The following HHLA2 variants were observed in gnomAD, a reference collection of about 807,000 sequenced individuals.
The protein encoded by HHLA2 is HERV-H LTR-associating protein 2.
HHLA2 carries 48 observed loss-of-function variants against 45.9 expected under a neutral mutation model. That is an observed-to-expected ratio of 1.05 (90% CI 0.83 to 1.33). The LOEUF (loss-of-function observed/expected upper bound fraction) is 1.33. Ranked by LOEUF, HHLA2 falls within the 40% of genes most tolerant of loss-of-function variation. The pLI, the probability that HHLA2 is intolerant of heterozygous loss-of-function variation, is 0.00. For synonymous variants in HHLA2, 161 were observed against 173.9 expected (o/e 0.93, Z 0.59); for missense variants, 462 against 494.3 (o/e 0.93, Z 0.62).
chr3:108,364,057 T>C (rs912744762), intron 8 of HHLA2, among the ~76,000 whole-genome samples: 1 of 152,070 alleles, frequency 6.6e-6, no homozygotes, highest in Non-Finnish European at 1.5e-5. Flanking sequence ...ACATGTGCCC[T>C]GGTGGTTTGC....
intron 3 of HHLA2, chr3:108,328,413 G>T: frequency 9.9e-7 from 1 of 1,015,224 alleles, no homozygotes; most frequent in South Asian, 1.6e-5. Flanking sequence ...GAAAATTACT[G>T]CATGACCAGG....
rs527898215 is a variant in HHLA2, at chr3:108,366,914, A to G, written c.1108+4468A>G. Among the ~76,000 whole-genome samples, 3 of 152,232 alleles carry G rather than the reference A, an allele frequency of 2.0e-5. No homozygotes were observed. In the East Asian group the frequency reaches 5.8e-4, roughly 29 times the overall value. On this transcript the variant is annotated intron_variant, in intron 8 of 10. Coordinates refer to ENST00000619531, the Ensembl canonical transcript of HHLA2. ...CTATCTATTTTGTTAATCTTTTCAA[A>G]ATAGCAGCTCCTGGGTTGACAGACA... is the stretch of plus-strand genomic sequence containing the variant.
chr3:108,298,559 A>T (rs1439235937), intron 1 of HHLA2, among the ~76,000 whole-genome samples: 1 of 152,144 alleles, frequency 6.6e-6, no homozygotes, highest in Non-Finnish European at 1.5e-5. Context: ...CATAGGCTTC[A>T]CCCTTAGAAG....
chr3:108,333,429 C>G (rs1335928886), intron 3 of HHLA2, among the ~76,000 whole-genome samples: 6 of 151,956 alleles, frequency 3.9e-5, no homozygotes, highest in Non-Finnish European at 8.8e-5. Flanking sequence ...TACAAGATTC[C>G]CAGTTAAATT....
At chr3:108,318,842 C>G (rs1390471491) in intron 2 of HHLA2, among the ~76,000 whole-genome samples, 1 of 152,228 alleles carries the variant, frequency 6.6e-6, no homozygotes, top group East Asian at 1.9e-4. Context: ...AGTGCATTCT[C>G]CAAGATTCCT....
intron 3 of HHLA2, among the ~76,000 whole-genome samples, chr3:108,333,655 G>A (rs1294653204): frequency 6.6e-6 from 1 of 151,318 alleles, no homozygotes; most frequent in East Asian, 1.9e-4. Flanking sequence ...ATGCCTCAGA[G>A]GATAGAGAGG....
intron 8 of HHLA2, among the ~76,000 whole-genome samples, chr3:108,369,246 C>A (rs1001921604): frequency 2.0e-5 from 3 of 152,166 alleles, no homozygotes; most frequent in African/African-American, 7.2e-5. Context: ...AAATTTGTAG[C>A]ACCAAATGCC....
At chr3:108,337,640 A>C (rs1471950856) in intron 3 of HHLA2, among the ~76,000 whole-genome samples, 1 of 152,176 alleles carries the variant, frequency 6.6e-6, no homozygotes, top group Non-Finnish European at 1.5e-5. Flanking sequence ...GTGGAAATAC[A>C]TAACGAAAGC....
In HHLA2 at chr3:108,331,052, G is replaced by A. The variant is rs573685424; in HGVS notation, c.-27+2705G>A. Among the ~76,000 whole-genome samples, 104 of 152,216 alleles carry A rather than the reference G, an allele frequency of 6.8e-4. 1 individual carries two copies. The South Asian group carries it at 0.015, about 22-fold the overall frequency. On this transcript the variant is annotated intron_variant, in intron 3 of 10. Transcript: ENST00000619531. Reference sequence around the variant, plus strand: ...GCTAGGCAAACAGTCTACAGCTGCCGCAGTTTATTAGGGTGTTTCAAACCT... The same window carrying A: ...GCTAGGCAAACAGTCTACAGCTGCCACAGTTTATTAGGGTGTTTCAAACCT...
At chr3:108,357,706 A>T in intron 6 of HHLA2, 138 bp from the exon 6 acceptor site, 1 of 715,394 alleles carries the variant, frequency 1.4e-6, no homozygotes, top group Non-Finnish European at 2.3e-6. Context: ...CCACAGTACA[A>T]ATATAATTAC....
intron 1 of HHLA2, among the ~76,000 whole-genome samples, chr3:108,298,258 C>T (rs766050397): frequency 6.6e-6 from 1 of 152,160 alleles, no homozygotes; most frequent in Non-Finnish European, 1.5e-5. Flanking sequence ...AGGACTCTGA[C>T]CTGACTCTCC....
At chr3:108,329,544 T>C (rs771784393) in intron 3 of HHLA2, among the ~76,000 whole-genome samples, 1 of 152,180 alleles carries the variant, frequency 6.6e-6, no homozygotes, top group Non-Finnish European at 1.5e-5. Context: ...GGTCTAAATA[T>C]ACTTCAAAGA....
chr3:108,363,225 A>C (rs2082008873), intron 8 of HHLA2, among the ~76,000 whole-genome samples: 1 of 152,168 alleles, frequency 6.6e-6, no homozygotes, highest in Admixed American at 6.6e-5. Context: ...GATCTAGTTG[A>C]TCTCCACATT....
At chr3:108,329,844 C>T (rs2081354073) in intron 3 of HHLA2, among the ~76,000 whole-genome samples, 1 of 152,194 alleles carries the variant, frequency 6.6e-6, no homozygotes, top group Non-Finnish European at 1.5e-5. Flanking sequence ...TACTGCATAA[C>T]ATATTACTCT....
At chr3:108,346,450 G>T (rs1339051789) in intron 3 of HHLA2, among the ~76,000 whole-genome samples, 2 of 152,168 alleles carry the variant, frequency 1.3e-5, no homozygotes, top group Non-Finnish European at 1.5e-5. Context: ...GAGCACTGTG[G>T]TGAGGCACAG....
chr3:108,306,569 T>TACACA (rs2080934006), intron 1 of HHLA2, among the ~76,000 whole-genome samples: 1 of 152,162 alleles, frequency 6.6e-6, no homozygotes, highest in African/African-American at 2.4e-5. Flanking sequence ...ATAGGACTCT[T>TACACA]TAAGATTTCT....
chr3:108,355,662 G>C (rs2081876699), intron 6 of HHLA2, among the ~76,000 whole-genome samples: 2 of 152,164 alleles, frequency 1.3e-5, no homozygotes, highest in South Asian at 4.1e-4. Flanking sequence ...GAAGTGGAAA[G>C]AAGCAAATCT....
At chr3:108,366,981 C>A (rs1359898019) in intron 8 of HHLA2, among the ~76,000 whole-genome samples, 1 of 152,218 alleles carries the variant, frequency 6.6e-6, no homozygotes, top group Non-Finnish European at 1.5e-5. Flanking sequence ...GCTGGTGCCC[C>A]TCTGGGACAA....
chr3:108,333,135 G>A (rs1047960873), intron 3 of HHLA2, among the ~76,000 whole-genome samples: 3 of 152,132 alleles, frequency 2.0e-5, no homozygotes, highest in Non-Finnish European at 4.4e-5. Flanking sequence ...CATCTCTTTG[G>A]AAGTGAAACT....
Sources: allele counts gnomAD v4.1 joint callset (sites outside exome capture counted in the v4.1 genomes callset), GRCh38; gene constraint gnomAD v4.1.1; transcripts MANE v1.5; gene names NCBI Gene and HGNC (gene_info 2026-07-23, HGNC 2026-07-21).